The following FYB2 variants were observed in gnomAD, a reference collection of about 807,000 sequenced individuals.
FYB2 encodes the protein FYN-binding protein 2.
Under a neutral mutation model 94.1 loss-of-function variants are expected in FYB2, and 103 were observed. The observed-to-expected ratio is 1.09, with a 90% CI of 0.93 to 1.29. The LOEUF (loss-of-function observed/expected upper bound fraction) is 1.29. Among genes scored for constraint, FYB2 ranks in the 50% most tolerant of loss-of-function variants. The pLI is 0.00. For missense variants in FYB2, 896 were observed against 841.5 expected (o/e 1.06, Z -0.80); for synonymous variants, 293 against 287.9 (o/e 1.02, Z -0.18).
chr1:56,740,380 G>C (rs1644923786), intron 13 of FYB2, among the ~76,000 whole-genome samples: 1 of 152,118 alleles, frequency 6.6e-6, no homozygotes, highest in African/African-American at 2.4e-5. Flanking sequence ...GTAATGCTTA[G>C]TGGTAACAAC....
chr1:56,753,369 C>T (rs1021077120), intron 8 of FYB2, among the ~76,000 whole-genome samples: 1 of 152,060 alleles, frequency 6.6e-6, no homozygotes, highest in Non-Finnish European at 1.5e-5. Context: ...CTTTCTTGCA[C>T]ATTATTTTAT....
intron 4 of FYB2, among the ~76,000 whole-genome samples, chr1:56,784,575 T>C (rs1322758544): frequency 6.6e-6 from 1 of 152,220 alleles, no homozygotes; most frequent in Non-Finnish European, 1.5e-5. Context: ...CTTTTTACCA[T>C]GGCACTTAAT....
intron 18 of FYB2, 41 bp downstream of exon 18, chr1:56,720,132 A>G (rs1373628643): frequency 6.3e-7 from 1 of 1,585,806 alleles, no homozygotes; most frequent in East Asian, 2.3e-5. Flanking sequence ...AGATTTTTTA[A>G]AAAGAATGAA....
At chr1:56,810,622 G>C (rs1420866142) in intron 1 of FYB2, among the ~76,000 whole-genome samples, 1 of 152,172 alleles carries the variant, frequency 6.6e-6, no homozygotes, top group African/African-American at 2.4e-5. Flanking sequence ...AAACCAAATG[G>C]AGATGGCCTT....
upstream of FYB2, among the ~76,000 whole-genome samples, chr1:56,821,755 C>T (rs1354664064): frequency 2.6e-5 from 4 of 152,126 alleles, no homozygotes; most frequent in African/African-American, 9.7e-5. Flanking sequence ...CTGTAATAAT[C>T]CCAGTTTTCT....
At chr1:56,720,124 AT>A (rs1293016868) in intron 18 of FYB2, 48 bp downstream of exon 18, 2 of 1,586,362 alleles carry the variant, frequency 1.3e-6, no homozygotes, top group Non-Finnish European at 1.7e-6. Context: ...GCATTTTAAG[AT>A]TTTTTAAAAA....
chr1:56,742,824 G>T (rs1358265693), intron 11 of FYB2, among the ~76,000 whole-genome samples: 1 of 152,038 alleles, frequency 6.6e-6, no homozygotes, highest in Non-Finnish European at 1.5e-5. Flanking sequence ...TAAAATGAGT[G>T]TACTGGGTTT....
At chr1:56,731,542 G>A (rs895289603) in intron 15 of FYB2, among the ~76,000 whole-genome samples, 2 of 151,914 alleles carry the variant, frequency 1.3e-5, no homozygotes, top group African/African-American at 4.8e-5. Flanking sequence ...GTATCAGGCT[G>A]GGGAGATTTC....
At chr1:56,813,128 G>C (rs763646357) in intron 1 of FYB2, among the ~76,000 whole-genome samples, 1 of 152,088 alleles carries the variant, frequency 6.6e-6, no homozygotes, top group Non-Finnish European at 1.5e-5. Context: ...CATCTCTCCA[G>C]GCTCAAATTC....
At chr1:56,740,835 G>A (rs756249985) in intron 12 of FYB2, 40 bp from the exon 13 acceptor site, 8 of 1,305,508 alleles carry the variant, frequency 6.1e-6, no homozygotes, top group Non-Finnish European at 8.6e-6. Flanking sequence ...TGGCATTTAA[G>A]AGAGTACTAG....
rs924970338 is a variant in FYB2, at chr1:56,818,650, C to T, written c.9+632G>A. Among the ~76,000 whole-genome samples the T allele has an allele frequency of 2.6e-5, 4 of 152,164 alleles. 1 individual carries two copies. The highest frequency in any genetic ancestry group is 7.2e-5 in the African/African-American group (3 of 41,428). On this transcript the variant is annotated intron_variant, in intron 1 of 19. Transcript: ENST00000343433. ...TCAGCCATCCAAGGGGCAGGGAATGCTGGCGTAGGGCAGGATACTTTTCCA... is the reference window on the plus strand; with the variant it reads ...TCAGCCATCCAAGGGGCAGGGAATGTTGGCGTAGGGCAGGATACTTTTCCA...
At chr1:56,739,164 T>C (rs1294467186) in intron 13 of FYB2, among the ~76,000 whole-genome samples, 1 of 152,092 alleles carries the variant, frequency 6.6e-6, no homozygotes, top group Non-Finnish European at 1.5e-5. Flanking sequence ...TGGATATTTA[T>C]TCTAAACGTA....
At chr1:56,740,269 C>T (rs1644920689) in intron 13 of FYB2, among the ~76,000 whole-genome samples, 2 of 152,044 alleles carry the variant, frequency 1.3e-5, no homozygotes. Flanking sequence ...CCCCCTTCCA[C>T]ATATTGCTGC....
rs200605296 is a variant in FYB2 at position 56,720,048 on chromosome 1, A to C, written c.2139T>G (p.Tyr713Ter). The stretch of plus-strand genomic sequence containing the variant: ...TGAAATCTAGATGTTCAATGAGCAC[A>C]TATCCATCTAATAGAAACAAAAGTC... ...ICRNSKGKYG[Y>*]VLIEHLDFKH... The change falls in exon 19 of 20, where the codon TAT becomes TAG. Residue 713 changes from tyrosine (Y) to a stop codon, truncating the protein, a stop_gained. Coordinates refer to ENST00000343433, the MANE Select transcript of FYB2 (RefSeq NM_001004303.5). LOFTEE classifies it high-confidence loss of function. The C allele has an allele frequency of 3.7e-6, 6 of 1,601,964 alleles. No homozygotes were observed. In the East Asian group the frequency reaches 1.1e-4, roughly 30 times the overall value.
intron 1 of FYB2, among the ~76,000 whole-genome samples, chr1:56,816,860 TTTC>T (rs201453146): frequency 0.013 from 1,845 of 140,974 alleles, 25 homozygotes; most frequent in African/African-American, 0.044. Context: ...CATCAACAAT[TTTC>T]TTTTTTTTTT....
rs1019211991 is a variant in FYB2 at position 56,719,459 on chromosome 1, T to G, written c.*212A>C. 5 of 512,596 alleles carry G rather than the reference T, an allele frequency of 9.8e-6. No homozygotes were observed. The highest frequency in any genetic ancestry group is 1.7e-5 in the Non-Finnish European group (5 of 290,922). 31.8% of individuals were successfully genotyped at this position (512,596 alleles called of 1,614,324 possible). A position where few individuals can be genotyped will look rare whatever the true frequency, so the allele number is the denominator to read the frequency against. On this transcript the variant is annotated 3_prime_UTR_variant, in exon 20 of 20. Coordinates refer to ENST00000343433, the MANE Select transcript of FYB2 (RefSeq NM_001004303.5). Reference sequence around the variant, plus strand: ...ACTGACAGTGAAGTAGATACTGAAATAGACATTGAAAGATAACCTTTTAGG... The same window carrying G: ...ACTGACAGTGAAGTAGATACTGAAAGAGACATTGAAAGATAACCTTTTAGG...
intron 15 of FYB2, among the ~76,000 whole-genome samples, chr1:56,735,390 T>C (rs1468805929): frequency 6.6e-6 from 1 of 152,118 alleles, no homozygotes; most frequent in Admixed American, 6.6e-5. Flanking sequence ...TTCTCACTCA[T>C]ATATGAAAGC....
At chr1:56,815,783 C>T (rs574810351) in intron 1 of FYB2, among the ~76,000 whole-genome samples, 32 of 152,298 alleles carry the variant, frequency 2.1e-4, no homozygotes, top group Admixed American at 5.2e-4. Context: ...TCAACTACAA[C>T]TCCAATGCTC....
chr1:56,797,129 C>T (rs1164195932), intron 1 of FYB2, among the ~76,000 whole-genome samples: 1 of 152,098 alleles, frequency 6.6e-6, no homozygotes, highest in African/African-American at 2.4e-5. Context: ...AACAGTCAGC[C>T]AAGCAAAGAA....
Sources: allele counts gnomAD v4.1 joint callset (sites outside exome capture counted in the v4.1 genomes callset), GRCh38; gene constraint gnomAD v4.1.1; transcripts MANE v1.5; gene names NCBI Gene and HGNC (gene_info 2026-07-23, HGNC 2026-07-21).